Variants in HPRT1 observed in about 807,000 individuals in gnomAD.
HPRT1 encodes the protein hypoxanthine-guanine phosphoribosyltransferase.
A neutral mutation model predicts 19.0 loss-of-function variants in HPRT1; 4 were observed. The ratio of observed to expected loss-of-function variants is 0.21; its 90% CI spans 0.10 to 0.48. HPRT1 has a LOEUF of 0.48. Among genes scored for constraint, HPRT1 ranks in the 20% least tolerant of loss-of-function variants. The pLI is 0.98. For missense variants in HPRT1, 65 were observed against 164.0 expected (o/e 0.40, Z 3.30); for synonymous variants, 53 against 54.9 (o/e 0.97, Z 0.15).
At chrX:134,486,657 A>G in intron 4 of HPRT1, 127 bp downstream of exon 4, 1 of 501,819 alleles carries the variant, frequency 2.0e-6, no homozygotes, top group East Asian at 4.0e-5. Flanking sequence ...AACCCTTGGA[A>G]GCAGTCTAGG....
chrX:134,469,149 A>G (rs772708268), intron 1 of HPRT1, among the ~76,000 whole-genome samples: 2 of 111,234 alleles, frequency 1.8e-5, no homozygotes, highest in Non-Finnish European at 3.8e-5. Context: ...CTGTCTGTCT[A>G]TAGCCAATTA....
At chrX:134,474,056 A>G (rs1411977945) in intron 2 of HPRT1, among the ~76,000 whole-genome samples, 1 of 112,260 alleles carries the variant, frequency 8.9e-6, no homozygotes, top group Non-Finnish European at 1.9e-5. Flanking sequence ...GCAAAAGTAC[A>G]TATATACATT....
Position 134,499,983 on chromosome X carries a change from T to C in HPRT1, c.610-47T>C, listed in dbSNP as rs768023135. 4 of 879,696 alleles carry C rather than the reference T, an allele frequency of 4.5e-6. No individual in the cohort carries two copies. In the South Asian group the frequency reaches 8.0e-5, roughly 18 times the overall value. The allele number at this position is 879,696 out of a possible 1,213,427, so 72.5% of individuals were successfully genotyped here. A position where few individuals can be genotyped will look rare whatever the true frequency, so the allele number is the denominator to read the frequency against. On this transcript the variant is annotated intron_variant, in intron 8 of 8. Transcript: ENST00000298556. ...GTAAAATGCTATTCTTGCCTTTCAT[T>C]TCAGAATATACTTTTTAAATGTGAA...
At chrX:134,474,420 CTT>C (rs5903877) in intron 2 of HPRT1, among the ~76,000 whole-genome samples, 19 of 94,639 alleles carry the variant, frequency 2.0e-4, no homozygotes, top group Admixed American at 1.2e-4. Context: ...CAATTTGTCT[CTT>C]TTTTTTTTTT....
chrX:134,489,889 AG>A (rs1448954757), intron 4 of HPRT1, among the ~76,000 whole-genome samples: 6 of 111,857 alleles, frequency 5.4e-5, no homozygotes, highest in Non-Finnish European at 9.4e-5. Flanking sequence ...TGGGAAACTA[AG>A]GCCAGAGAAA....
chrX:134,499,128 T>C (rs2077688609), intron 8 of HPRT1, among the ~76,000 whole-genome samples: 1 of 111,640 alleles, frequency 9.0e-6, no homozygotes, highest in African/African-American at 3.3e-5. Context: ...TTTTGCCACG[T>C]ACACTGGCCT....
intron 1 of HPRT1, among the ~76,000 whole-genome samples, chrX:134,472,776 T>C (rs996940736): frequency 8.1e-5 from 9 of 110,690 alleles, no homozygotes; most frequent in African/African-American, 2.6e-4. Context: ...GGTTTCACCA[T>C]GTTGACAAGG....
intron 6 of HPRT1, among the ~76,000 whole-genome samples, chrX:134,494,068 C>T (rs986571809): frequency 1.8e-5 from 2 of 111,912 alleles, no homozygotes; most frequent in African/African-American, 6.5e-5. Flanking sequence ...TTTACTTTTG[C>T]TTTTATAGTT....
At chrX:134,497,316 G>T (rs927497193) in intron 6 of HPRT1, among the ~76,000 whole-genome samples, 5 of 110,305 alleles carry the variant, frequency 4.5e-5, no homozygotes, top group Non-Finnish European at 3.8e-5. Flanking sequence ...GCCACAGAGC[G>T]AGACTCATCT....
At chrX:134,495,726 T>C (rs1042826985) in intron 6 of HPRT1, among the ~76,000 whole-genome samples, 2 of 111,922 alleles carry the variant, frequency 1.8e-5, no homozygotes, top group African/African-American at 6.5e-5. Flanking sequence ...TACCACTATT[T>C]CATTTTGGAA....
Position 134,460,242 on chromosome X carries a change from G to GCCTCCT in HPRT1, c.-65_-60dup, listed in dbSNP as rs1335679634. On this transcript the variant is annotated 5_prime_UTR_variant, in exon 1 of 9. Transcript: ENST00000298556. Reference sequence around the variant, plus strand: ...CGGCGCCGCCTCTTGCTGCGCCTCCGCCTCCTCCTCTGCTCCGCCACCGGC... The same window carrying GCCTCCT: ...CGGCGCCGCCTCTTGCTGCGCCTCCGCCTCCTCCTCCTCCTCTGCTCCGCCACCGGC... 1.3e-3 allele frequency: 1,414 copies of GCCTCCT among 1,076,281 alleles called. 1 individual carries two copies. The highest frequency in any genetic ancestry group is 1.6e-3 in the Non-Finnish European group (1,299 of 816,431). The allele number at this position is 1,076,281 out of a possible 1,213,427, so 88.7% of individuals were successfully genotyped here.
At chrX:134,496,814 C>T (rs2077681439) in intron 6 of HPRT1, among the ~76,000 whole-genome samples, 1 of 111,563 alleles carries the variant, frequency 9.0e-6, no homozygotes, top group African/African-American at 3.3e-5. Flanking sequence ...GGGCTGTGGC[C>T]CGAGTAGGTG....
chrX:134,464,195 T>C (rs765117578), intron 1 of HPRT1, among the ~76,000 whole-genome samples: 3 of 112,560 alleles, frequency 2.7e-5, no homozygotes, highest in African/African-American at 6.4e-5. Flanking sequence ...TTAATTCTTC[T>C]AACAGCTTTA....
At chrX:134,498,482 TAA>T in intron 7 of HPRT1, 46 bp downstream of exon 7, 2 of 1,100,222 alleles carry the variant, frequency 1.8e-6, no homozygotes, top group Non-Finnish European at 1.3e-6. Context: ...ATCTTTAACC[TAA>T]AAGAGTTTTA....
intron 5 of HPRT1, among the ~76,000 whole-genome samples, chrX:134,490,415 T>A (rs1253329067): frequency 1.8e-5 from 2 of 108,435 alleles, no homozygotes; most frequent in African/African-American, 6.6e-5. Context: ...CTCTCTTTTT[T>A]TAGTTTGAAG....
chrX:134,465,432 G>T (rs2077594433), intron 1 of HPRT1, among the ~76,000 whole-genome samples: 1 of 111,218 alleles, frequency 9.0e-6, no homozygotes, highest in South Asian at 3.7e-4. Flanking sequence ...TTAGTAATTT[G>T]TATGTTTACA....
chrX:134,477,993 C>T (rs926358081), intron 3 of HPRT1, among the ~76,000 whole-genome samples: 7 of 111,990 alleles, frequency 6.3e-5, no homozygotes, highest in African/African-American at 2.3e-4. Context: ...GCATTTCTAC[C>T]CTGTTTAATA....
At chrX:134,485,857 A>G (rs781575197) in intron 3 of HPRT1, among the ~76,000 whole-genome samples, 133 of 112,258 alleles carry the variant, frequency 1.2e-3, no homozygotes, top group Non-Finnish European at 2.0e-3. Flanking sequence ...AGCATTTCCC[A>G]TTGAATCTCC....
intron 3 of HPRT1, among the ~76,000 whole-genome samples, chrX:134,476,979 A>G (rs971990970): frequency 5.5e-5 from 6 of 110,040 alleles, no homozygotes; most frequent in Non-Finnish European, 9.5e-5. Flanking sequence ...GTGAAATTCT[A>G]TGTAGATATA....
Sources: allele counts gnomAD v4.1 joint callset (sites outside exome capture counted in the v4.1 genomes callset), GRCh38; gene constraint gnomAD v4.1.1; transcripts MANE v1.5; gene names NCBI Gene and HGNC (gene_info 2026-07-23, HGNC 2026-07-21).